The following KCNAB1 variants were observed in gnomAD, a reference collection of about 807,000 sequenced individuals.
KCNAB1 encodes the protein voltage-gated potassium channel subunit beta-1.
Under a neutral mutation model 64.6 loss-of-function variants are expected in KCNAB1, and 35 were observed. That is an observed-to-expected ratio of 0.54 (90% CI 0.41 to 0.72). KCNAB1 has a LOEUF of 0.72. KCNAB1 is among the 30% of genes least tolerant of loss of function. The pLI, the probability that KCNAB1 is intolerant of heterozygous loss-of-function variation, is 0.00. For synonymous variants in KCNAB1, 177 were observed against 183.8 expected, an observed-to-expected ratio of 0.96 and a Z score of 0.30; for missense variants, 401 against 512.9, an observed-to-expected ratio of 0.78 and a Z score of 2.11.
chr3:156,461,245 G>A (rs1712886165), intron 5 of KCNAB1, among the ~76,000 whole-genome samples: 1 of 152,136 alleles, frequency 6.6e-6, no homozygotes. Flanking sequence ...CATGTTTCTG[G>A]AGGCCAGAAA....
chr3:156,475,275 G>A (rs1714257609), intron 8 of KCNAB1, among the ~76,000 whole-genome samples: 1 of 152,134 alleles, frequency 6.6e-6, no homozygotes, highest in Non-Finnish European at 1.5e-5. Flanking sequence ...AGCAGTGACT[G>A]CTTCAAAATA....
At chr3:156,187,141 A>T (rs1372612105) in intron 1 of KCNAB1, among the ~76,000 whole-genome samples, 1 of 152,192 alleles carries the variant, frequency 6.6e-6, no homozygotes, top group Non-Finnish European at 1.5e-5. Flanking sequence ...TGCATGAGCC[A>T]CCGTGCTGGG....
At chr3:156,468,435 T>A (rs1432710903) in intron 7 of KCNAB1, among the ~76,000 whole-genome samples, 1 of 152,108 alleles carries the variant, frequency 6.6e-6, no homozygotes, top group Admixed American at 6.6e-5. Flanking sequence ...GTTTGGTATC[T>A]CTCACTGACT....
intron 1 of KCNAB1, among the ~76,000 whole-genome samples, chr3:156,361,657 T>C (rs1725623432): frequency 6.6e-6 from 1 of 152,168 alleles, no homozygotes; most frequent in African/African-American, 2.4e-5. Flanking sequence ...TTATTTTATT[T>C]GAGATAGGGT....
chr3:156,458,773 G>A (rs543511513), intron 4 of KCNAB1, among the ~76,000 whole-genome samples: 35 of 152,184 alleles, frequency 2.3e-4, no homozygotes, highest in Non-Finnish European at 4.7e-4. Context: ...TAAGTAGCAA[G>A]TCTGTTAGAG....
At chr3:156,479,174 C>T (rs1714605507) in intron 8 of KCNAB1, among the ~76,000 whole-genome samples, 2 of 152,164 alleles carry the variant, frequency 1.3e-5, no homozygotes, top group South Asian at 4.1e-4. Flanking sequence ...AAAAAATCAG[C>T]CCCACATCCC....
At chr3:156,274,149 T>G (rs1199155572) in intron 1 of KCNAB1, among the ~76,000 whole-genome samples, 1 of 152,148 alleles carries the variant, frequency 6.6e-6, no homozygotes. Flanking sequence ...AACAAAAGCA[T>G]GGGGTAACTG....
chr3:156,449,631 T>G (rs1711844363), intron 2 of KCNAB1, among the ~76,000 whole-genome samples: 1 of 152,362 alleles, frequency 6.6e-6, no homozygotes, highest in Middle Eastern at 3.4e-3. Context: ...GTTATTTCAT[T>G]TTCATAAAGT....
chr3:156,255,818 G>A (rs1718071448), intron 1 of KCNAB1, among the ~76,000 whole-genome samples: 1 of 152,156 alleles, frequency 6.6e-6, no homozygotes, highest in Non-Finnish European at 1.5e-5. Flanking sequence ...TCGCCAAGCA[G>A]ATTACCTGCA....
At chr3:156,458,780 A>T (rs922049414) in intron 4 of KCNAB1, among the ~76,000 whole-genome samples, 2 of 152,210 alleles carry the variant, frequency 1.3e-5, no homozygotes, top group Non-Finnish European at 2.9e-5. Context: ...CAAGTCTGTT[A>T]GAGTCCTGTT....
intron 7 of KCNAB1, among the ~76,000 whole-genome samples, chr3:156,468,311 TTC>T (rs1162417019): frequency 1.3e-5 from 2 of 152,172 alleles, no homozygotes; most frequent in Non-Finnish European, 2.9e-5. Context: ...TATATATGTA[TTC>T]TTTCTTGATT....
At chr3:156,527,289 T>C (rs1718384936) in intron 12 of KCNAB1, among the ~76,000 whole-genome samples, 1 of 152,198 alleles carries the variant, frequency 6.6e-6, no homozygotes, top group Admixed American at 6.5e-5. Flanking sequence ...GGTATAATAA[T>C]ACATATCTTA....
At chr3:156,290,422 T>G (rs1720337068) in intron 1 of KCNAB1, among the ~76,000 whole-genome samples, 1 of 152,242 alleles carries the variant, frequency 6.6e-6, no homozygotes, top group South Asian at 2.1e-4. Flanking sequence ...GCCATAATTT[T>G]ATTGTAAGTA....
chr3:156,121,910 G>A (rs1024542186), intron 1 of KCNAB1, among the ~76,000 whole-genome samples: 1 of 152,106 alleles, frequency 6.6e-6, no homozygotes, highest in African/African-American at 2.4e-5. Context: ...TTTAGTAATT[G>A]AATTAACTTG....
intron 2 of KCNAB1, among the ~76,000 whole-genome samples, chr3:156,433,844 C>A (rs959807240): frequency 5.3e-5 from 8 of 152,174 alleles, no homozygotes; most frequent in African/African-American, 1.9e-4. Flanking sequence ...GTTCCCATCA[C>A]GATCCCTCTT....
At chr3:156,372,489 G>A (rs146765614) in intron 1 of KCNAB1, among the ~76,000 whole-genome samples, 3,042 of 152,306 alleles carry the variant, frequency 0.02, 45 homozygotes, top group Non-Finnish European at 0.028. Context: ...GATTCAATAG[G>A]TCTAGTGTGG....
At chr3:156,531,353 G>A in intron 12 of KCNAB1, 56 bp from the exon 13 acceptor site, 2 of 1,278,818 alleles carry the variant, frequency 1.6e-6, no homozygotes, top group Admixed American at 3.4e-5. Context: ...GTGTTTATAA[G>A]CTAATCAACG....
intron 7 of KCNAB1, among the ~76,000 whole-genome samples, chr3:156,466,765 A>G (rs1302842421): frequency 6.6e-6 from 1 of 152,104 alleles, no homozygotes; most frequent in East Asian, 1.9e-4. Flanking sequence ...AGGAAATAAA[A>G]CAGTCAACAA....
chr3:156,201,094 C>A lies in KCNAB1; in HGVS notation c.275+80208C>A, dbSNP rs375310557. On this transcript the variant is annotated intron_variant, in intron 1 of 13. Transcript: ENST00000490337. ...AGGCTTCCTAGCTCCTTGCACTTCC[C>A]AGGTGAGGCGATGCCCCACCCTGCT... 2.0e-5 allele frequency among the ~76,000 whole-genome samples: 3 copies of A among 152,300 alleles called. No individual in the cohort carries two copies. In the South Asian group the frequency reaches 6.2e-4, roughly 32 times the overall value.
Sources: allele counts gnomAD v4.1 joint callset (sites outside exome capture counted in the v4.1 genomes callset), GRCh38; gene constraint gnomAD v4.1.1; transcripts MANE v1.5; gene names NCBI Gene and HGNC (gene_info 2026-07-23, HGNC 2026-07-21).